The following ERLIN2 variants were observed in gnomAD, a reference collection of about 807,000 sequenced individuals.
ERLIN2 encodes the protein erlin-2.
Under a neutral mutation model 41.5 loss-of-function variants are expected in ERLIN2, and 22 were observed. The ratio of observed to expected loss-of-function variants is 0.53; its 90% CI spans 0.38 to 0.76. ERLIN2 has a LOEUF of 0.76. Ranked by LOEUF, ERLIN2 falls within the 30% of genes least tolerant of loss-of-function variation. The pLI is 0.00. For missense variants in ERLIN2, 247 were observed against 414.3 expected (o/e 0.60, Z 3.51); for synonymous variants, 149 against 150.9 (o/e 0.99, Z 0.09).
In ERLIN2 at chr8:37,755,569, A is replaced by ACCCCCCC. The variant is rs1305006911; in HGVS notation, c.*1460_*1466dup. ...AGCTGACCCCCACCCCCCACCCCCCACCCCCCCCCCCCGCCAACTCCTATA... is the reference window on the plus strand; with the variant it reads ...AGCTGACCCCCACCCCCCACCCCCCACCCCCCCCCCCCCCCCCCCGCCAACTCCTATA... On this transcript the variant is annotated 3_prime_UTR_variant, in exon 12 of 12. Coordinates refer to ENST00000519638, the MANE Select transcript of ERLIN2 (RefSeq NM_007175.8). The ACCCCCCC allele has an allele frequency of 3.5e-5, 2 of 57,610 alleles. No individual in the cohort carries two copies. The highest frequency in any genetic ancestry group is 5.8e-4 in the East Asian group (1 of 1,724). 3.6% of individuals were successfully genotyped at this position (57,610 alleles called of 1,614,324 possible).
intron 6 of ERLIN2, chr8:37,745,505 T>C: frequency 2.6e-6 from 4 of 1,524,436 alleles, no homozygotes; most frequent in Non-Finnish European, 2.7e-6. Context: ...CCAGAAATTC[T>C]CTAATAGCCA....
intron 10 of ERLIN2, among the ~76,000 whole-genome samples, chr8:37,752,052 ACT>A (rs1803229327): frequency 6.6e-6 from 1 of 151,906 alleles, no homozygotes; most frequent in Non-Finnish European, 1.5e-5. Context: ...GTGGGAGTGT[ACT>A]CTCAGCAGTT....
intron 6 of ERLIN2, chr8:37,748,052 G>C (rs759258313): frequency 4.0e-6 from 6 of 1,515,882 alleles, no homozygotes; most frequent in Non-Finnish European, 5.5e-6. Context: ...AGAGGGTCGC[G>C]CCGAAATGAC....
At chr8:37,746,458 A>C (rs1274730624) in intron 6 of ERLIN2, 14 of 984,820 alleles carry the variant, frequency 1.4e-5, no homozygotes, top group Non-Finnish European at 1.7e-5. Context: ...ACATGGATAT[A>C]GTTATCACTG....
rs1032694214 is a variant in ERLIN2 at position 37,746,107 on chromosome 8, T to C, written c.424+1411T>C. On this transcript the variant is annotated intron_variant, in intron 6 of 11. Transcript: ENST00000519638. ...AAATATATTTGCTTTGAAACTTTTT[T>C]ATTTTTACATCTCAGTCTTGCTAGC... 9 of 995,108 alleles carry C rather than the reference T, an allele frequency of 9.0e-6. No individual in the cohort carries two copies. In the Middle Eastern group the frequency reaches 1.5e-3, roughly 170 times the overall value. 61.6% of individuals were successfully genotyped at this position (995,108 alleles called of 1,614,324 possible). A position where few individuals can be genotyped will look rare whatever the true frequency, so the allele number is the denominator to read the frequency against.
At chr8:37,744,084 A>G (rs1228641023) in intron 4 of ERLIN2, among the ~76,000 whole-genome samples, 1 of 152,220 alleles carries the variant, frequency 6.6e-6, no homozygotes, top group Non-Finnish European at 1.5e-5. Context: ...TGCTGATTCC[A>G]AAGATATGAG....
At chr8:37,748,095 G>C in intron 6 of ERLIN2, 1 of 931,186 alleles carries the variant, frequency 1.1e-6, no homozygotes, top group Non-Finnish European at 1.8e-6. Flanking sequence ...TTTCCCTGCG[G>C]CTACCTTAGT....
intron 1 of ERLIN2, chr8:37,737,353 G>A (rs1585895871): frequency 1.1e-5 from 2 of 185,926 alleles, no homozygotes; most frequent in East Asian, 1.4e-4. Context: ...AACTGGGAAG[G>A]TGGATGCGAG....
intron 1 of ERLIN2, chr8:37,737,679 A>G: frequency 1.9e-6 from 1 of 527,870 alleles, no homozygotes; most frequent in South Asian, 2.0e-5. Context: ...CTGTATCCGG[A>G]GCCAGTGCTT....
intron 1 of ERLIN2, 54 bp downstream of exon 1, chr8:37,736,732 T>G: frequency 4.1e-6 from 4 of 985,620 alleles, no homozygotes; most frequent in Non-Finnish European, 4.8e-6. Flanking sequence ...CCGCTCAGGG[T>G]CGGGGCTGAC....
intron 2 of ERLIN2, among the ~76,000 whole-genome samples, chr8:37,738,925 A>C (rs899247566): frequency 6.6e-6 from 1 of 152,218 alleles, no homozygotes; most frequent in African/African-American, 2.4e-5. Context: ...AAAATGAAAG[A>C]GCCTGCAGGT....
chr8:37,750,314 A>T, intron 8 of ERLIN2, 81 bp from the exon 9 acceptor site: 2 of 1,091,290 alleles, frequency 1.8e-6, no homozygotes, highest in South Asian at 2.6e-5. Flanking sequence ...GCCTCTCTTC[A>T]GCAGAAGAAT....
At chr8:37,744,863 A>T (rs1041144550) in intron 6 of ERLIN2, 167 bp downstream of exon 6, 2 of 764,086 alleles carry the variant, frequency 2.6e-6, no homozygotes, top group Non-Finnish European at 4.6e-6. Context: ...GTTCATGGAG[A>T]ATGCTGATAG....
At position 37,751,573 on chromosome 8, in the gene ERLIN2, A is replaced by G. The variant is rs1158207869; in HGVS notation, c.650-53A>G. The G allele has an allele frequency of 2.7e-6, 4 of 1,497,152 alleles. 1 individual carries two copies. Among genetic ancestry groups the G allele is most frequent in the Admixed American group, 3.4e-5 (2 of 59,624 alleles). 92.7% of individuals were successfully genotyped at this position (1,497,152 alleles called of 1,614,324 possible). A position where few individuals can be genotyped will look rare whatever the true frequency, so the allele number is the denominator to read the frequency against. On this transcript the variant is annotated intron_variant, in intron 9 of 11. Coordinates refer to ENST00000519638, the MANE Select transcript of ERLIN2 (RefSeq NM_007175.8). ...ACACTCAGCTCGGGTGAAAGGTGAA[A>G]TTAGTCAAACTCTGAAATGCCAGAA...
In ERLIN2 at chr8:37,737,939, C is replaced by T. The variant is rs1255261921; in HGVS notation, c.17C>T (p.Ala6Val). The change falls in exon 2 of 12, where the codon GCA (alanine) becomes GTA (valine). Residue 6 changes from alanine (A) to valine (V), a missense_variant. Ala to Val is a moderately conservative substitution (Grantham distance 64). Coordinates refer to ENST00000519638, the MANE Select transcript of ERLIN2 (RefSeq NM_007175.8). MAQLGAVVAVASSFFC... is the reference protein window; with the variant it reads MAQLGVVVAVASSFFC... ...GGCTCACTGATGGCTCAGTTGGGAGCAGTTGTGGCTGTGGCTTCCAGTTTC... is the reference window on the plus strand; with the variant it reads ...GGCTCACTGATGGCTCAGTTGGGAGTAGTTGTGGCTGTGGCTTCCAGTTTC... The T allele has an allele frequency of 1.9e-6, 3 of 1,613,998 alleles. No homozygotes were observed. The highest frequency in any genetic ancestry group is 2.7e-5 in the African/African-American group (2 of 74,898).
At chr8:37,737,718 C>T in intron 1 of ERLIN2, 190 bp from the exon 2 acceptor site, 1 of 620,710 alleles carries the variant, frequency 1.6e-6, no homozygotes, top group Non-Finnish European at 2.8e-6. Context: ...TCTAATTTTA[C>T]AGTTAAAGAA....
Position 37,758,261 on chromosome 8 carries a change from C to T in ERLIN2, c.*4146C>T, listed in dbSNP as rs1256340824. 1.3e-5 allele frequency: 2 copies of T among 152,180 alleles called. No individual in the cohort carries two copies. Among genetic ancestry groups the T allele is most frequent in the African/African-American group, 4.8e-5 (2 of 41,438 alleles). The allele number at this position is 152,180 out of a possible 1,614,324, so 9.4% of individuals were successfully genotyped here. A position where few individuals can be genotyped will look rare whatever the true frequency, so the allele number is the denominator to read the frequency against. On this transcript the variant is annotated 3_prime_UTR_variant, in exon 12 of 12. Coordinates refer to ENST00000519638, the MANE Select transcript of ERLIN2 (RefSeq NM_007175.8). ...TGCTACACAAATAATATGATCTTAA[C>T]AATTGAATAGTTATGTTAAGAGTGT...
intron 2 of ERLIN2, among the ~76,000 whole-genome samples, chr8:37,739,812 CTT>C (rs1219288019): frequency 7.1e-6 from 1 of 141,644 alleles, no homozygotes; most frequent in Non-Finnish European, 1.6e-5. Context: ...CTGTCTTTTT[CTT>C]TTTTTTTTTT....
rs1803220334 is a variant in ERLIN2 at position 37,751,613 on chromosome 8, A to G, written c.650-13A>G. ...AAATGCCAGAACCGTAATCCTCACT[A>G]TCATTTATTCAGAGGCAGAAAAAGT... On this transcript the variant is annotated splice_polypyrimidine_tract_variant and intron_variant, in intron 9 of 11. Coordinates refer to ENST00000519638, the MANE Select transcript of ERLIN2 (RefSeq NM_007175.8). The G allele has an allele frequency of 5.6e-6, 9 of 1,603,532 alleles. No homozygotes were observed. Among genetic ancestry groups the G allele is most frequent in the African/African-American group, 1.3e-5 (1 of 74,732 alleles).
Sources: allele counts gnomAD v4.1 joint callset (sites outside exome capture counted in the v4.1 genomes callset), GRCh38; gene constraint gnomAD v4.1.1; transcripts MANE v1.5; gene names NCBI Gene and HGNC (gene_info 2026-07-23, HGNC 2026-07-21).